SGSM3: variants seen among roughly 807,000 people sequenced by gnomAD.
The protein encoded by SGSM3 is RUN and SH3 containing 3.
Under a neutral mutation model 100.5 loss-of-function variants are expected in SGSM3, and 96 were observed. The ratio of observed to expected loss-of-function variants is 0.96; its 90% CI spans 0.81 to 1.13. The LOEUF is 1.13. Ranked by LOEUF, SGSM3 falls within the 50% of genes most tolerant of loss-of-function variation. SGSM3 has a pLI of 0.00. For synonymous variants in SGSM3, 483 were observed against 422.8 expected, an observed-to-expected ratio of 1.14 and a Z score of -1.75; for missense variants, 1,001 against 1,015.8, an observed-to-expected ratio of 0.99 and a Z score of 0.20.
In SGSM3 at chr22:40,408,307, G is replaced by A; in HGVS notation, c.1660G>A (p.Glu554Lys). 6.2e-7 allele frequency: 1 copy of A among 1,613,602 alleles called. No individual in the cohort carries two copies. Among genetic ancestry groups the A allele is most frequent in the Non-Finnish European group, 8.5e-7 (1 of 1,180,002 alleles). ...YSIAGDDSVTEGVTDLVRGTL... is the reference protein window; with the variant it reads ...YSIAGDDSVTKGVTDLVRGTL... ...CATCGCGGGGGATGACTCGGTGACGGAGGGGGTCACAGACCTCGTGCGAGG... is the reference window on the plus strand; with the variant it reads ...CATCGCGGGGGATGACTCGGTGACGAAGGGGGTCACAGACCTCGTGCGAGG... The change falls in exon 16 of 22, where the codon GAG becomes AAG. Residue 554 changes from glutamate to lysine, a missense_variant. Physicochemically the swap from Glu to Lys is moderately conservative, Grantham distance 56. Coordinates refer to ENST00000248929, the MANE Select transcript of SGSM3 (RefSeq NM_015705.6).
At position 40,409,343 on chromosome 22, in the gene SGSM3, G is replaced by C. The variant is rs144035277; in HGVS notation, c.2082G>C (p.Pro694=). The C allele has an allele frequency of 6.2e-7, 1 of 1,611,448 alleles. No homozygotes were observed. The highest frequency in any genetic ancestry group is 1.3e-5 in the African/African-American group (1 of 74,982). The part of the protein sequence containing the change: ...WYQPWSFLRS[P]GWVQIKCELR... ...AGCCCTGGTCCTTCCTGCGCAGCCC[G>C]GGCTGGGTCCAGATCAAGTGTGAGC... is the stretch of plus-strand genomic sequence containing the variant. Residue 694 remains proline (P), a synonymous_variant, in exon 20 of 22, where the codon CCG becomes CCC. Coordinates refer to ENST00000248929, the MANE Select transcript of SGSM3 (RefSeq NM_015705.6).
chr22:40,400,567 C>T (rs1339062639), intron 1 of SGSM3, 129 bp from the exon 2 acceptor site: 2 of 388,870 alleles, frequency 5.1e-6, no homozygotes, highest in Non-Finnish European at 9.5e-6. Flanking sequence ...CTCTTGAACC[C>T]AGGAGGCAGA....
At chr22:40,391,017 G>C (rs1193289363) in intron 1 of SGSM3, among the ~76,000 whole-genome samples, 1 of 152,194 alleles carries the variant, frequency 6.6e-6, no homozygotes, top group Non-Finnish European at 1.5e-5. Context: ...ATCAACAGCA[G>C]CATGTACAAT....
chr22:40,397,042 C>A (rs951485313), intron 1 of SGSM3, among the ~76,000 whole-genome samples: 7 of 152,192 alleles, frequency 4.6e-5, no homozygotes, highest in Admixed American at 4.6e-4. Flanking sequence ...AGGGCAGCCA[C>A]CCTGACGTGG....
At chr22:40,378,726 A>G (rs912792092) in intron 1 of SGSM3, among the ~76,000 whole-genome samples, 4 of 151,840 alleles carry the variant, frequency 2.6e-5, no homozygotes, top group African/African-American at 9.7e-5. Flanking sequence ...CTCTGTCTCA[A>G]AAAAAAACAG....
intron 1 of SGSM3, among the ~76,000 whole-genome samples, chr22:40,400,124 T>A (rs1257945418): frequency 1.3e-5 from 2 of 152,250 alleles, no homozygotes; most frequent in African/African-American, 4.8e-5. Context: ...GCAGATAGCA[T>A]GGAGAATAGG....
rs1290546554 is a variant in SGSM3 at position 40,409,295 on chromosome 22, G to A, written c.2034G>A (p.Leu678=). Residue 678 remains leucine (L), a synonymous_variant, in exon 20 of 22, where the codon CTG becomes CTA. Coordinates refer to ENST00000248929, the MANE Select transcript of SGSM3 (RefSeq NM_015705.6). ...HLWLEVLCSS[L]PTVEKWYQPW... The stretch of plus-strand genomic sequence containing the variant: ...GGCTGGAGGTGCTCTGCTCCAGCCT[G>A]CCCACCGTGGAGAAGTGGTACCAGC... The A allele has an allele frequency of 6.2e-7, 1 of 1,612,536 alleles. No individual in the cohort carries two copies. The highest frequency in any genetic ancestry group is 8.5e-7 in the Non-Finnish European group (1 of 1,179,882).
Position 40,407,881 on chromosome 22 carries a change from G to A in SGSM3, c.1579+38G>A. ...GTCTGCTCTTGAGCTGGGAGAGGGA[G>A]GAGGGGGTGGGCACAGAAGACTTGG... On this transcript the variant is annotated intron_variant, in intron 14 of 21. Transcript: ENST00000248929. This position sits in a 1 kb window ranked among gnomAD's most constrained non-coding sequence, Gnocchi z 4.7. 6.3e-7 allele frequency: 1 copy of A among 1,576,852 alleles called. No individual in the cohort carries two copies. The highest frequency in any genetic ancestry group is 8.7e-7 in the Non-Finnish European group (1 of 1,156,024).
intron 1 of SGSM3, among the ~76,000 whole-genome samples, chr22:40,391,928 C>G (rs1440010198): frequency 6.6e-6 from 1 of 152,196 alleles, no homozygotes; most frequent in African/African-American, 2.4e-5. Context: ...GTGGCGAAAA[C>G]TCAGGAGACG....
chr22:40,400,053 T>G (rs566077395), intron 1 of SGSM3, among the ~76,000 whole-genome samples: 5 of 152,238 alleles, frequency 3.3e-5, no homozygotes, highest in Non-Finnish European at 7.3e-5. Flanking sequence ...TCCTCTTTTT[T>G]GCTTCTCACT....
chr22:40,380,754 A>T (rs1037017784), intron 1 of SGSM3, among the ~76,000 whole-genome samples: 1 of 152,146 alleles, frequency 6.6e-6, no homozygotes, highest in Non-Finnish European at 1.5e-5. Flanking sequence ...TGGGCAACAT[A>T]GTAAGACCCT....
intron 1 of SGSM3, among the ~76,000 whole-genome samples, chr22:40,377,552 T>C (rs2046839772): frequency 6.6e-6 from 1 of 152,224 alleles, no homozygotes; most frequent in Non-Finnish European, 1.5e-5. Context: ...AGAGTTAAAA[T>C]AGGCCTGGTG....
At chr22:40,399,464 G>A (rs1022206820) in intron 1 of SGSM3, among the ~76,000 whole-genome samples, 6 of 152,186 alleles carry the variant, frequency 3.9e-5, no homozygotes, top group Non-Finnish European at 5.9e-5. Context: ...CCATGTGTCC[G>A]TCATTTCACA....
At chr22:40,388,941 C>A (rs1409920938) in intron 1 of SGSM3, among the ~76,000 whole-genome samples, 1 of 152,026 alleles carries the variant, frequency 6.6e-6, no homozygotes, top group Non-Finnish European at 1.5e-5. Flanking sequence ...TAACTTGGAG[C>A]GTGGCAAATT....
chr22:40,401,991 C>G, intron 3 of SGSM3, 148 bp from the exon 4 acceptor site: 2 of 647,700 alleles, frequency 3.1e-6, no homozygotes, highest in East Asian at 5.4e-5. Context: ...TGCGTGGTAA[C>G]CAGAGGCGGC....
rs1413100619 is a variant in SGSM3, at chr22:40,407,397, GTGT to G, written c.1369-14_1369-12del. ...CTCCTCCAACCCCCTTGGTGGGCCT[GTGT>G]TCACTGTGGCAGGAGCTGACTCCAG... is the stretch of plus-strand genomic sequence containing the variant. On this transcript the variant is annotated splice_polypyrimidine_tract_variant and intron_variant, in intron 12 of 21. Transcript: ENST00000248929. This position sits in a 1 kb window ranked among gnomAD's most constrained non-coding sequence, Gnocchi z 4.7. The G allele has an allele frequency of 2.2e-5, 35 of 1,611,372 alleles. No individual in the cohort carries two copies. The highest frequency in any genetic ancestry group is 3.0e-5 in the Non-Finnish European group (35 of 1,178,474).
Position 40,409,831 on chromosome 22 carries a change from G to C in SGSM3, c.*72G>C. 1 of 1,552,654 alleles carries C rather than the reference G, an allele frequency of 6.4e-7. No individual in the cohort carries two copies. The highest frequency in any genetic ancestry group is 8.6e-7 in the Non-Finnish European group (1 of 1,156,224). Reference sequence around the variant, plus strand: ...AGGACCCCAAGCTGCAGAGCCCAGGGAAGAGCAGCTCCAGAGCCCTGGCCG... The same window carrying C: ...AGGACCCCAAGCTGCAGAGCCCAGGCAAGAGCAGCTCCAGAGCCCTGGCCG... On this transcript the variant is annotated 3_prime_UTR_variant, in exon 22 of 22. Coordinates refer to ENST00000248929, the MANE Select transcript of SGSM3 (RefSeq NM_015705.6).
intron 5 of SGSM3, 28 bp from the exon 6 acceptor site, chr22:40,404,529 G>A: frequency 6.2e-7 from 1 of 1,611,200 alleles, no homozygotes; most frequent in South Asian, 1.1e-5. Context: ...GAGAAAGACT[G>A]AGTGCCCTTG....
Position 40,410,202 on chromosome 22 carries a change from G to A in SGSM3, c.*443G>A. 1 of 1,062,678 alleles carries A rather than the reference G, an allele frequency of 9.4e-7. No individual in the cohort carries two copies. Among genetic ancestry groups the A allele is most frequent in the Non-Finnish European group, 1.1e-6 (1 of 878,734 alleles). 65.8% of individuals were successfully genotyped at this position (1,062,678 alleles called of 1,614,324 possible). ...TGAGTGGTCTAGAAGGCACTGCGTG[G>A]CCCCTCAGATGCTGGGACACAACAG... On this transcript the variant is annotated 3_prime_UTR_variant, in exon 22 of 22. Coordinates refer to ENST00000248929, the MANE Select transcript of SGSM3 (RefSeq NM_015705.6).
Sources: allele counts gnomAD v4.1 joint callset (sites outside exome capture counted in the v4.1 genomes callset), GRCh38; gene constraint gnomAD v4.1.1; non-coding constraint Gnocchi (gnomAD v3.1); transcripts MANE v1.5; gene names NCBI Gene and HGNC (gene_info 2026-07-23, HGNC 2026-07-21).